Variants in GDNF observed in about 807,000 individuals in gnomAD.
The protein encoded by GDNF is glial cell derived neurotrophic factor.
GDNF carries 5 observed loss-of-function variants against 13.7 expected under a neutral mutation model. The observed-to-expected ratio is 0.36, with a 90% CI of 0.19 to 0.77. The LOEUF is 0.77. Ranked by LOEUF, GDNF falls within the 30% of genes least tolerant of loss-of-function variation. GDNF has a pLI of 0.51. For synonymous variants in GDNF, 122 were observed against 112.5 expected (o/e 1.08, Z -0.53); for missense variants, 246 against 274.3 (o/e 0.90, Z 0.73).
intron 2 of GDNF, among the ~76,000 whole-genome samples, chr5:37,821,961 A>G (rs1750156018): frequency 6.6e-6 from 1 of 152,242 alleles, no homozygotes; most frequent in Admixed American, 6.5e-5. Context: ...CAGGTTAACT[A>G]TATTTTAATC....
intron 1 of GDNF, chr5:37,835,511 C>T (rs1442182991): frequency 6.7e-7 from 1 of 1,494,598 alleles, no homozygotes; most frequent in African/African-American, 1.4e-5. Flanking sequence ...GTTTAAGTTA[C>T]TTAACTTCCC....
At chr5:37,828,549 A>AT (rs748474212) in intron 2 of GDNF, among the ~76,000 whole-genome samples, 10 of 152,236 alleles carry the variant, frequency 6.6e-5, no homozygotes, top group Admixed American at 2.0e-4. Context: ...CAAAGTCTAT[A>AT]TTTTCTTAAT....
intron 1 of GDNF, among the ~76,000 whole-genome samples, chr5:37,836,991 C>G (rs1250545673): frequency 6.6e-6 from 1 of 152,194 alleles, no homozygotes; most frequent in Non-Finnish European, 1.5e-5. Context: ...CGCCAGCGCC[C>G]GGATCGAGCT....
Position 37,837,151 on chromosome 5 carries a change from A to G in GDNF, c.-26-2329T>C, listed in dbSNP as rs1012447740. 2.0e-5 allele frequency among the ~76,000 whole-genome samples: 3 copies of G among 152,178 alleles called. No individual in the cohort carries two copies. Among genetic ancestry groups the G allele is most frequent in the African/African-American group, 7.2e-5 (3 of 41,452 alleles). ...GGACTCGGCACACACAGCGTCTACT[A>G]GGACGTTTTTCTTAGAGTCCGTGTG... On this transcript the variant is annotated intron_variant, in intron 1 of 2. Transcript: ENST00000326524. This position sits in a 1 kb window ranked among gnomAD's most constrained non-coding sequence, Gnocchi z 6.5.
At chr5:37,817,770 C>A (rs1358508141) in intron 2 of GDNF, among the ~76,000 whole-genome samples, 1 of 152,150 alleles carries the variant, frequency 6.6e-6, no homozygotes, top group Non-Finnish European at 1.5e-5. Flanking sequence ...TGGCTGAAGC[C>A]CTGTCACCTC....
chr5:37,831,248 T>C (rs914927979), intron 2 of GDNF, among the ~76,000 whole-genome samples: 4 of 152,222 alleles, frequency 2.6e-5, no homozygotes, highest in Non-Finnish European at 5.9e-5. Flanking sequence ...TTCACGTTGA[T>C]TTTTTCATAC....
intron 2 of GDNF, chr5:37,823,477 G>A (rs757324044): frequency 6.6e-6 from 1 of 152,140 alleles, no homozygotes; most frequent in Non-Finnish European, 1.5e-5. Flanking sequence ...ACAGTAAATT[G>A]TCTCCCAAAA....
Position 37,837,895 on chromosome 5 carries a change from C to A in GDNF, c.-27+1612G>T, listed in dbSNP as rs1750764622. 6.6e-6 allele frequency among the ~76,000 whole-genome samples: 1 copy of A among 151,984 alleles called. No homozygotes were observed. The highest frequency in any genetic ancestry group is 6.5e-5 in the Admixed American group (1 of 15,268). ...TGCCCCCGCACCTTCTTGTGCCTGGCAGGCTGGGAGGTTTGTTTGGGCTTT... is the reference window on the plus strand; with the variant it reads ...TGCCCCCGCACCTTCTTGTGCCTGGAAGGCTGGGAGGTTTGTTTGGGCTTT... On this transcript the variant is annotated intron_variant, in intron 1 of 2. Coordinates refer to ENST00000326524, the MANE Select transcript of GDNF (RefSeq NM_000514.4). This position sits in a 1 kb window ranked among gnomAD's most constrained non-coding sequence, Gnocchi z 6.5.
intron 2 of GDNF, among the ~76,000 whole-genome samples, chr5:37,829,809 T>C (rs1005533040): frequency 6.6e-6 from 1 of 152,232 alleles, no homozygotes; most frequent in South Asian, 2.1e-4. Context: ...TAGATTTCTC[T>C]AAGCAGTAAC....
chr5:37,815,762 C>T lies in GDNF; in HGVS notation c.525G>A (p.Gly175=). The change falls in exon 3 of 3, where the codon GGG becomes GGA. Residue 175 remains glycine (G), a synonymous_variant. Transcript: ENST00000326524. The surrounding 1 kb of genome is among the most constrained non-coding windows in gnomAD (Gnocchi z 5.0). The stretch of plus-strand genomic sequence containing the variant: ...AGGCGATGGGTCTGCAACATGCCTG[C>T]CCTACTTTGTCACTCACCAGCCTTC... ...RNRRLVSDKV[G]QACCRPIAFD... The T allele has an allele frequency of 6.2e-7, 1 of 1,614,138 alleles. No individual in the cohort carries two copies. Among genetic ancestry groups the T allele is most frequent in the African/African-American group, 1.3e-5 (1 of 75,034 alleles).
At position 37,815,704 on chromosome 5, in the gene GDNF, G is replaced by C; in HGVS notation, c.583C>G (p.Leu195Val). 6.2e-7 allele frequency: 1 copy of C among 1,613,648 alleles called. No homozygotes were observed. Residue 195 changes from leucine to valine, a missense_variant, in exon 3 of 3, where the codon CTG becomes GTG. Transcript: ENST00000326524. The surrounding 1 kb of genome is among the most constrained non-coding windows in gnomAD (Gnocchi z 5.0). ...DDDLSFLDDN[L>V]VYHILRKHSA... ...TGCTTTCTTAGAATATGGTAAACCA[G>C]GTTATCATCTAAAAACGACAGGTCA...
intron 2 of GDNF, among the ~76,000 whole-genome samples, chr5:37,827,997 C>G (rs1465471663): frequency 6.6e-6 from 1 of 152,176 alleles, no homozygotes; most frequent in African/African-American, 2.4e-5. Flanking sequence ...AACCATGCTT[C>G]TCTACTTCAA....
intron 2 of GDNF, 23 bp from the exon 3 acceptor site, chr5:37,816,158 A>C (rs1305915651): frequency 6.2e-7 from 1 of 1,612,628 alleles, no homozygotes; most frequent in Non-Finnish European, 8.5e-7. Flanking sequence ...AAAAGAGAAA[A>C]TGGCACATGA....
chr5:37,830,453 G>A (rs766056312), intron 2 of GDNF, among the ~76,000 whole-genome samples: 25 of 152,192 alleles, frequency 1.6e-4, no homozygotes, highest in Non-Finnish European at 2.9e-4. Context: ...TGACCCAGGG[G>A]CAGAATCCCA....
In GDNF at chr5:37,816,248, T is replaced by TATC. The variant is rs1189246349; in HGVS notation, c.152-116_152-114dup. On this transcript the variant is annotated intron_variant, in intron 2 of 2. Transcript: ENST00000326524. ...GCAAAAATTGGACCCACAGCAAAAC[T>TATC]ATCAGCCGATTAAGCTATAGGACCA... 1.6e-5 allele frequency: 16 copies of TATC among 984,322 alleles called. No individual in the cohort carries two copies. In the African/African-American group the frequency reaches 2.4e-4, roughly 15 times the overall value. The allele number at this position is 984,322 out of a possible 1,614,324, so 61.0% of individuals were successfully genotyped here. A position where few individuals can be genotyped will look rare whatever the true frequency, so the allele number is the denominator to read the frequency against.
chr5:37,825,966 A>C (rs1428096690), intron 2 of GDNF, among the ~76,000 whole-genome samples: 1 of 152,220 alleles, frequency 6.6e-6, no homozygotes, highest in Non-Finnish European at 1.5e-5. Flanking sequence ...TACGGTTATC[A>C]TTCTAAAACA....
rs1232237865 is a variant in GDNF at position 37,837,612 on chromosome 5, G to T, written c.-27+1895C>A. ...CGTGTCGCGCCCACGCGGCCCGGAG[G>T]CTGTGTTATCATTTTAGTTATAAAA... On this transcript the variant is annotated intron_variant, in intron 1 of 2. Transcript: ENST00000326524. The surrounding 1 kb of genome is among the most constrained non-coding windows in gnomAD (Gnocchi z 6.5). Among the ~76,000 whole-genome samples the T allele has an allele frequency of 6.6e-6, 1 of 152,220 alleles. No homozygotes were observed. Among genetic ancestry groups the T allele is most frequent in the African/African-American group, 2.4e-5 (1 of 41,462 alleles).
rs45535335 is a variant in GDNF, at chr5:37,815,558, T to A, written c.*93A>T. The A allele has an allele frequency of 6.4e-3, 7,648 of 1,187,392 alleles. 40 individuals are homozygous for A. The highest frequency in any genetic ancestry group is 0.018 in the Middle Eastern group (90 of 4,906). 73.6% of individuals were successfully genotyped at this position (1,187,392 alleles called of 1,614,324 possible). On this transcript the variant is annotated 3_prime_UTR_variant, in exon 3 of 3. Transcript: ENST00000326524. This position sits in a 1 kb window ranked among gnomAD's most constrained non-coding sequence, Gnocchi z 5.0. ...TCCTCCTCCGCCTCCTTGGTCCTCATCTTCCATTCTGGGCAAACATTTCCT... is the reference window on the plus strand; with the variant it reads ...TCCTCCTCCGCCTCCTTGGTCCTCAACTTCCATTCTGGGCAAACATTTCCT...
Position 37,816,101 on chromosome 5 carries a change from A to G in GDNF, c.186T>C (p.Asp62=), listed in dbSNP as rs753919158. The change falls in exon 3 of 3, where the codon GAT becomes GAC. Residue 62 remains aspartate, a synonymous_variant. Transcript: ENST00000326524. ...TGGCTTGAATAAAATCCATGACATCATCGAACTGATCAGGATAATCCTCTG... is the reference window on the plus strand; with the variant it reads ...TGGCTTGAATAAAATCCATGACATCGTCGAACTGATCAGGATAATCCTCTG... The part of the protein sequence containing the change: ...NMPEDYPDQF[D]DVMDFIQATI... 1.9e-6 allele frequency: 3 copies of G among 1,613,538 alleles called. No individual in the cohort carries two copies. Among genetic ancestry groups the G allele is most frequent in the Admixed American group, 1.7e-5 (1 of 60,018 alleles).
Sources: gnomAD v4.1 joint callset for allele counts (sites outside exome capture counted in the v4.1 genomes callset) on GRCh38, gnomAD v4.1.1 for gene constraint, Gnocchi (gnomAD v3.1) non-coding constraint, MANE v1.5 for transcripts, NCBI Gene and HGNC (gene_info 2026-07-23, HGNC 2026-07-21) for gene names.